The following CCDC82 variants were observed in gnomAD, a reference collection of about 807,000 sequenced individuals.
CCDC82 encodes coiled-coil domain containing 82.
In CCDC82, 47 loss-of-function variants were observed where a neutral mutation model predicts 60.6. That is an observed-to-expected ratio of 0.77 (90% CI 0.61 to 0.99). The LOEUF is 0.99. Ranked by LOEUF, CCDC82 falls within the 50% of genes least tolerant of loss-of-function variation. The pLI is 0.00. For synonymous variants in CCDC82, 212 were observed against 207.4 expected, an observed-to-expected ratio of 1.02 and a Z score of -0.19; for missense variants, 588 against 633.0, an observed-to-expected ratio of 0.93 and a Z score of 0.76.
intron 7 of CCDC82, among the ~76,000 whole-genome samples, chr11:96,367,819 TC>T (rs1416396932): frequency 1.4e-5 from 2 of 139,886 alleles, no homozygotes; most frequent in Non-Finnish European, 3.2e-5. Context: ...GAAATGTATT[TC>T]TTTTTTTTTT....
chr11:96,365,805 G>A (rs973005642), intron 7 of CCDC82, among the ~76,000 whole-genome samples: 20 of 152,158 alleles, frequency 1.3e-4, no homozygotes, highest in African/African-American at 4.6e-4. Context: ...TTCTGCTTAT[G>A]TTCTAGGCCT....
At chr11:96,371,378 C>A (rs1036684211) in intron 6 of CCDC82, among the ~76,000 whole-genome samples, 1 of 152,086 alleles carries the variant, frequency 6.6e-6, no homozygotes, top group Admixed American at 6.5e-5. Flanking sequence ...GTCAGGAGAT[C>A]GAGACCATCC....
intron 8 of CCDC82, among the ~76,000 whole-genome samples, chr11:96,362,278 G>A (rs190369112): frequency 6.6e-6 from 1 of 152,318 alleles, no homozygotes; most frequent in African/African-American, 2.4e-5. Context: ...AGAGGAGCCA[G>A]CTCCTTATGG....
intron 7 of CCDC82, among the ~76,000 whole-genome samples, chr11:96,369,808 T>C (rs1219920378): frequency 6.6e-6 from 1 of 152,016 alleles, no homozygotes; most frequent in African/African-American, 2.4e-5. Context: ...CTCAAAAAAA[T>C]ACATTATCTG....
chr11:96,375,745 ATT>A (rs1332517310), intron 5 of CCDC82, among the ~76,000 whole-genome samples: 1 of 152,240 alleles, frequency 6.6e-6, no homozygotes, highest in Non-Finnish European at 1.5e-5. Flanking sequence ...CTAGTTAAAT[ATT>A]GTTACACATG....
chr11:96,367,593 T>C (rs919468395), intron 7 of CCDC82, among the ~76,000 whole-genome samples: 1 of 152,188 alleles, frequency 6.6e-6, no homozygotes, highest in African/African-American at 2.4e-5. Flanking sequence ...CTGTAGTTAC[T>C]TCCTCCACTG....
chr11:96,375,289 G>A (rs1203004710), intron 5 of CCDC82, among the ~76,000 whole-genome samples: 2 of 152,124 alleles, frequency 1.3e-5, no homozygotes, highest in African/African-American at 2.4e-5. Flanking sequence ...ATAGAGTCTT[G>A]AGAACTAACT....
intron 7 of CCDC82, 24 bp downstream of exon 7, chr11:96,370,989 G>C (rs1248334961): frequency 6.7e-7 from 1 of 1,493,402 alleles, no homozygotes; most frequent in Non-Finnish European, 8.9e-7. Context: ...CCCCCAAGCA[G>C]AGATTCAAAA....
intron 9 of CCDC82, chr11:96,355,028 C>G (rs1056920317): frequency 1.3e-5 from 2 of 152,082 alleles, no homozygotes; most frequent in Non-Finnish European, 2.9e-5. Flanking sequence ...GATGGAAACA[C>G]ATAACAGAAG....
At chr11:96,381,312 T>C (rs771200490) in intron 5 of CCDC82, 2 of 151,692 alleles carry the variant, frequency 1.3e-5, no homozygotes, top group Non-Finnish European at 3.0e-5. Flanking sequence ...CCTACTGATA[T>C]AAGGAAAACA....
rs1356456225 is a variant in CCDC82, at chr11:96,371,089, T to C, written c.1133A>G (p.His378Arg). 1 of 1,606,716 alleles carries C rather than the reference T, an allele frequency of 6.2e-7. No homozygotes were observed. Among genetic ancestry groups the C allele is most frequent in the Non-Finnish European group, 8.5e-7 (1 of 1,176,498 alleles). The change falls in exon 7 of 10, where the codon CAT becomes CGT. Residue 378 changes from histidine to arginine, a missense_variant. By Grantham distance (29) the His-to-Arg change is conservative. Coordinates refer to ENST00000646818, the MANE Select transcript of CCDC82 (RefSeq NM_024725.4). The part of the protein sequence containing the change: ...SYAKDMLTSL[H>R]YLDNRFVQPR... ...CTGAACAAAGCGGTTATCCAAATAATGAAGAGATGTTAGCATATCTTTTGC... is the reference window on the plus strand; with the variant it reads ...CTGAACAAAGCGGTTATCCAAATAACGAAGAGATGTTAGCATATCTTTTGC...
chr11:96,375,569 T>C (rs1242299940), intron 5 of CCDC82, among the ~76,000 whole-genome samples: 1 of 152,216 alleles, frequency 6.6e-6, no homozygotes, highest in Admixed American at 6.5e-5. Context: ...CATGCATTGC[T>C]TTATTTTTCA....
intron 9 of CCDC82, chr11:96,356,676 A>G: frequency 1.0e-6 from 1 of 952,832 alleles, no homozygotes; most frequent in African/African-American, 1.8e-5. Flanking sequence ...TTTTATTATA[A>G]TTTTCCTATT....
chr11:96,383,589 ATATTT>A (rs1865999424), intron 4 of CCDC82, 116 bp from the exon 5 acceptor site: 1 of 644,366 alleles, frequency 1.6e-6, no homozygotes, highest in Non-Finnish European at 2.5e-6. Context: ...AATTAACTTC[ATATTT>A]TAAAGTTAAA....
At position 96,365,234 on chromosome 11, in the gene CCDC82, G is replaced by C; in HGVS notation, c.1210-84C>G. The C allele has an allele frequency of 4.5e-6, 4 of 882,084 alleles. No homozygotes were observed. The South Asian group carries it at 6.7e-5, about 15-fold the overall frequency. The allele number at this position is 882,084 out of a possible 1,614,324, so 54.6% of individuals were successfully genotyped here. ...AATCTAACCAATTAAAACATCTTAG[G>C]GATTACAATACAAAGAGATATAAGA... On this transcript the variant is annotated intron_variant, in intron 7 of 9. Coordinates refer to ENST00000646818, the MANE Select transcript of CCDC82 (RefSeq NM_024725.4).
At chr11:96,378,392 T>C (rs1865700310) in intron 5 of CCDC82, among the ~76,000 whole-genome samples, 1 of 152,068 alleles carries the variant, frequency 6.6e-6, no homozygotes, top group African/African-American at 2.4e-5. Context: ...AGTCTACCTT[T>C]ACCTTATACT....
chr11:96,353,549 AGAT>A lies in CCDC82; in HGVS notation c.*94_*96del. On this transcript the variant is annotated 3_prime_UTR_variant, in exon 10 of 10. Transcript: ENST00000646818. ...ACAAAATATTTTGCCATGAAGATAT[AGAT>A]AAAATGTACAAACATGTCACATGAT... is the stretch of plus-strand genomic sequence containing the variant. 1 of 934,250 alleles carries A rather than the reference AGAT, an allele frequency of 1.1e-6. No individual in the cohort carries two copies. Among genetic ancestry groups the A allele is most frequent in the Non-Finnish European group, 1.7e-6 (1 of 587,900 alleles). The allele number at this position is 934,250 out of a possible 1,614,324, so 57.9% of individuals were successfully genotyped here.
At chr11:96,386,459 C>G (rs1317187009) in intron 2 of CCDC82, 166 bp from the exon 3 acceptor site, 1 of 152,044 alleles carries the variant, frequency 6.6e-6, no homozygotes, top group Non-Finnish European at 1.5e-5. Flanking sequence ...TGAAATATAA[C>G]TTTTATTTTT....
chr11:96,376,422 G>A (rs972406419), intron 5 of CCDC82, among the ~76,000 whole-genome samples: 19 of 148,746 alleles, frequency 1.3e-4, no homozygotes, highest in African/African-American at 4.5e-4. Context: ...CTATCAAGCC[G>A]TGCTTTTCTT....
Sources: gnomAD v4.1 joint callset for allele counts (sites outside exome capture counted in the v4.1 genomes callset) on GRCh38, gnomAD v4.1.1 for gene constraint, MANE v1.5 for transcripts, NCBI Gene and HGNC (gene_info 2026-07-23, HGNC 2026-07-21) for gene names.